Variants in SNX18 observed in about 807,000 individuals in gnomAD.
SNX18 encodes the protein sorting nexin-18.
Under a neutral mutation model 48.7 loss-of-function variants are expected in SNX18, and 35 were observed. The ratio of observed to expected loss-of-function variants is 0.72; its 90% CI spans 0.55 to 0.95. The LOEUF (loss-of-function observed/expected upper bound fraction) is 0.95. SNX18 is among the 40% of genes least tolerant of loss of function. The pLI is 0.00. For synonymous variants in SNX18, 492 were observed against 384.7 expected (o/e 1.28, Z -3.26); for missense variants, 824 against 871.0 (o/e 0.95, Z 0.68).
chr5:54,647,571 G>A, the SNX18 span, among the ~76,000 whole-genome samples: 1 of 152,168 alleles, frequency 6.6e-6, no homozygotes, highest in East Asian at 1.9e-4. Context: ...TGGGGCATGA[G>A]AGGAAGGGGA....
At position 54,518,445 on chromosome 5, in the gene SNX18, G is replaced by A. The variant is rs1716855072; in HGVS notation, c.493G>A (p.Ala165Thr). 1 of 1,575,044 alleles carries A rather than the reference G, an allele frequency of 6.3e-7. No individual in the cohort carries two copies. Among genetic ancestry groups the A allele is most frequent in the African/African-American group, 1.4e-5 (1 of 73,798 alleles). ...DDEWDDSSTV[A>T]DEPGALGSGA... ...CGAGTGGGACGACAGCTCCACGGTGGCGGACGAGCCGGGCGCTCTGGGCAG... is the reference window on the plus strand; with the variant it reads ...CGAGTGGGACGACAGCTCCACGGTGACGGACGAGCCGGGCGCTCTGGGCAG... Residue 165 changes from alanine (A) to threonine (T), a missense_variant, in exon 1 of 2, where the codon GCG (alanine) becomes ACG (threonine). Physicochemically the swap from Ala to Thr is moderately conservative, Grantham distance 58. This residue lies in a region of SNX18 where 377 missense variants were observed against 350.6 expected (regional missense o/e 1.08). Transcript: ENST00000381410.
chr5:54,588,306 C>T, the SNX18 span, among the ~76,000 whole-genome samples: 24 of 73,906 alleles, frequency 3.2e-4, no homozygotes, highest in East Asian at 2.0e-3. Flanking sequence ...TATTTCTATT[C>T]TTTTTTTTTT....
chr5:54,580,335 T>C, the SNX18 span, among the ~76,000 whole-genome samples: 1 of 152,222 alleles, frequency 6.6e-6, no homozygotes, highest in East Asian at 1.9e-4. Context: ...AAAAGTATGT[T>C]CTTAGGGTAC....
intron 1 of SNX18, among the ~76,000 whole-genome samples, chr5:54,528,932 A>G (rs1457350034): frequency 1.3e-5 from 2 of 152,174 alleles, no homozygotes; most frequent in Admixed American, 1.3e-4. Flanking sequence ...GTGAATCGGA[A>G]TGTCTGTGCT....
chr5:54,590,416 T>C, the SNX18 span, among the ~76,000 whole-genome samples: 2 of 152,194 alleles, frequency 1.3e-5, no homozygotes, highest in Admixed American at 6.5e-5. Context: ...CCATTCTTTG[T>C]TAAAGCCTAA....
chr5:54,608,035 A>G, the SNX18 span, among the ~76,000 whole-genome samples: 1 of 152,224 alleles, frequency 6.6e-6, no homozygotes. Context: ...TTAAATGCCC[A>G]GGAGTTCAAT....
At chr5:54,646,306 C>G in the SNX18 span, among the ~76,000 whole-genome samples, 2 of 152,184 alleles carry the variant, frequency 1.3e-5, no homozygotes, top group African/African-American at 2.4e-5. Flanking sequence ...CTGAAACACT[C>G]TGCTAGGGGC....
At chr5:54,623,993 G>A in the SNX18 span, among the ~76,000 whole-genome samples, 2 of 152,146 alleles carry the variant, frequency 1.3e-5, no homozygotes, top group Non-Finnish European at 2.9e-5. Flanking sequence ...AGTGTGCTCA[G>A]TTCATTATAA....
At chr5:54,621,536 TACAGAGCCAGGGAGGAG>T in the SNX18 span, among the ~76,000 whole-genome samples, 1 of 152,210 alleles carries the variant, frequency 6.6e-6, no homozygotes, top group Non-Finnish European at 1.5e-5. Flanking sequence ...TCAAGGAATC[TACAGAGCCAGGGAGGAG>T]ACACAACATC....
the SNX18 span, among the ~76,000 whole-genome samples, chr5:54,617,834 A>G: frequency 1.3e-5 from 2 of 151,912 alleles, no homozygotes; most frequent in Non-Finnish European, 2.9e-5. Flanking sequence ...AAGTGCTGGG[A>G]TTACAGGAAT....
chr5:54,581,975 A>G, the SNX18 span, among the ~76,000 whole-genome samples: 1 of 152,180 alleles, frequency 6.6e-6, no homozygotes, highest in Non-Finnish European at 1.5e-5. Context: ...TGGGGGATTC[A>G]CTTCAGCCCT....
chr5:54,614,269 C>G, the SNX18 span, among the ~76,000 whole-genome samples: 3 of 152,248 alleles, frequency 2.0e-5, no homozygotes, highest in African/African-American at 7.2e-5. Context: ...AAATGGAAAA[C>G]TAGGCCCTGC....
At chr5:54,537,429 A>G (rs1762378743) in intron 1 of SNX18, among the ~76,000 whole-genome samples, 1 of 152,210 alleles carries the variant, frequency 6.6e-6, no homozygotes, top group Admixed American at 6.5e-5. Flanking sequence ...GCAGCTAACT[A>G]ATGAAGCAGT....
intron 1 of SNX18, among the ~76,000 whole-genome samples, chr5:54,524,113 C>T (rs935420600): frequency 1.3e-5 from 2 of 152,206 alleles, no homozygotes; most frequent in African/African-American, 4.8e-5. Flanking sequence ...CCTCATGTCT[C>T]TAAAAAGAGA....
the SNX18 span, among the ~76,000 whole-genome samples, chr5:54,588,993 A>C: frequency 6.6e-6 from 1 of 152,198 alleles, no homozygotes; most frequent in African/African-American, 2.4e-5. Flanking sequence ...TATATAAGAG[A>C]AAAATAAACT....
At chr5:54,562,439 G>T in the SNX18 span, among the ~76,000 whole-genome samples, 1 of 152,202 alleles carries the variant, frequency 6.6e-6, no homozygotes, top group Non-Finnish European at 1.5e-5. Flanking sequence ...TTAATGCACA[G>T]TTATGCACCA....
chr5:54,567,765 G>A, the SNX18 span, among the ~76,000 whole-genome samples: 9 of 152,166 alleles, frequency 5.9e-5, no homozygotes, highest in South Asian at 6.2e-4. Flanking sequence ...ATGGTGCCCT[G>A]GAGGATACTC....
chr5:54,573,400 T>G, the SNX18 span, among the ~76,000 whole-genome samples: 740 of 152,230 alleles, frequency 4.9e-3, 5 homozygotes, highest in Middle Eastern at 0.024. Flanking sequence ...AGATCTGGAT[T>G]GGGACCCCTT....
At chr5:54,550,672 C>T (rs1461307782), downstream of SNX18, among the ~76,000 whole-genome samples, 2 of 152,156 alleles carry the variant, frequency 1.3e-5, no homozygotes, top group Non-Finnish European at 2.9e-5. Context: ...CAATCTCCGC[C>T]TCCCGGGTTC....
Sources: allele counts gnomAD v4.1 joint callset (sites outside exome capture counted in the v4.1 genomes callset), GRCh38; gene constraint gnomAD v4.1.1; regional missense constraint gnomAD v4.1.1; transcripts MANE v1.5; gene names NCBI Gene and HGNC (gene_info 2026-07-23, HGNC 2026-07-21).